VAV3: variants seen among roughly 807,000 people sequenced by gnomAD.
VAV3 encodes the protein guanine nucleotide exchange factor VAV3.
Under a neutral mutation model 131.2 loss-of-function variants are expected in VAV3, and 94 were observed. That is an observed-to-expected ratio of 0.72 (90% CI 0.61 to 0.85). The LOEUF is 0.85. Among genes scored for constraint, VAV3 ranks in the 40% least tolerant of loss-of-function variants. VAV3 has a pLI of 0.00. For missense variants in VAV3, 939 were observed against 1,002.7 expected (o/e 0.94, Z 0.86); for synonymous variants, 349 against 342.0 (o/e 1.02, Z -0.22).
intron 1 of VAV3, among the ~76,000 whole-genome samples, chr1:107,950,154 T>C (rs1352041713): frequency 6.6e-6 from 1 of 152,090 alleles, no homozygotes; most frequent in Non-Finnish European, 1.5e-5. Context: ...TTCTACTGTA[T>C]AGTGTCCAAC....
At chr1:107,954,769 G>GCGGGGGGGGGGGT (rs758398906) in intron 1 of VAV3, among the ~76,000 whole-genome samples, 1 of 149,964 alleles carries the variant, frequency 6.7e-6, no homozygotes, top group African/African-American at 2.5e-5. Context: ...TACCATGGGA[G>GCGGGGGGGGGGGT]GGGGGGAAAT....
chr1:107,961,068 G>A (rs761132774), intron 1 of VAV3, among the ~76,000 whole-genome samples: 7 of 152,044 alleles, frequency 4.6e-5, no homozygotes, highest in Non-Finnish European at 7.4e-5. Context: ...CTAAAACAGC[G>A]CCTGGAACAT....
intron 20 of VAV3, among the ~76,000 whole-genome samples, chr1:107,622,080 TAAC>T (rs1351302133): frequency 1.3e-5 from 2 of 152,278 alleles, no homozygotes; most frequent in East Asian, 3.9e-4. Flanking sequence ...ATTCATAAAA[TAAC>T]AATGCCTTTT....
chr1:107,596,459 G>T, intron 24 of VAV3, 118 bp from the exon 25 acceptor site: 2 of 1,060,572 alleles, frequency 1.9e-6, no homozygotes, highest in South Asian at 3.4e-5. Context: ...TTTTCCATAG[G>T]TATATGGAAG....
chr1:107,710,826 C>A (rs1266348167), intron 15 of VAV3, among the ~76,000 whole-genome samples: 2 of 151,566 alleles, frequency 1.3e-5, no homozygotes, highest in Non-Finnish European at 2.9e-5. Context: ...AATAAAGAAA[C>A]AAAAAAATTG....
intron 2 of VAV3, among the ~76,000 whole-genome samples, chr1:107,833,516 AC>A (rs560962132): frequency 2.4e-3 from 369 of 152,296 alleles, no homozygotes; most frequent in Admixed American, 2.7e-3. Context: ...TCTCTTCTAT[AC>A]TTTTTCACTT....
intron 1 of VAV3, among the ~76,000 whole-genome samples, chr1:107,938,495 A>G (rs1673832644): frequency 6.6e-6 from 1 of 152,204 alleles, no homozygotes; most frequent in Admixed American, 6.5e-5. Context: ...GTCTGTAGAT[A>G]AGAAAGGGGC....
chr1:107,803,772 A>T (rs887863327), intron 2 of VAV3, among the ~76,000 whole-genome samples: 1 of 152,084 alleles, frequency 6.6e-6, no homozygotes, highest in Non-Finnish European at 1.5e-5. Flanking sequence ...TATTTGGTCT[A>T]GTGTAGTAGT....
intron 1 of VAV3, among the ~76,000 whole-genome samples, chr1:107,939,153 T>A (rs985962991): frequency 6.6e-6 from 1 of 150,604 alleles, no homozygotes. Flanking sequence ...ATTTGTCTAG[T>A]TTTTTTTTCT....
chr1:107,762,787 T>C (rs2102140654), intron 9 of VAV3, among the ~76,000 whole-genome samples: 1 of 152,308 alleles, frequency 6.6e-6, no homozygotes, highest in South Asian at 2.1e-4. Flanking sequence ...TTGCTGGAAT[T>C]AGCTACACCT....
At chr1:107,924,817 C>A (rs1673075274) in intron 1 of VAV3, among the ~76,000 whole-genome samples, 1 of 152,022 alleles carries the variant, frequency 6.6e-6, no homozygotes, top group South Asian at 2.1e-4. Context: ...AAACATAGAA[C>A]AACACAACGA....
intron 2 of VAV3, among the ~76,000 whole-genome samples, chr1:107,781,509 T>C (rs183924467): frequency 4.7e-4 from 72 of 152,298 alleles, no homozygotes; most frequent in African/African-American, 1.7e-3. Context: ...CACAGATCAA[T>C]ACATATAATT....
chr1:107,749,390 AT>A, intron 14 of VAV3, 71 bp downstream of exon 14: 1 of 1,456,440 alleles, frequency 6.9e-7, no homozygotes, highest in African/African-American at 1.4e-5. Flanking sequence ...TCTCACATTA[AT>A]GTATTATCAT....
chr1:107,701,258 G>A (rs1411775032), intron 17 of VAV3, among the ~76,000 whole-genome samples: 1 of 151,992 alleles, frequency 6.6e-6, no homozygotes, highest in Non-Finnish European at 1.5e-5. Context: ...GCATCCACAG[G>A]TCCAACACCA....
intron 22 of VAV3, among the ~76,000 whole-genome samples, chr1:107,607,027 T>TGCCTGCAACCTCCACCTCCA (rs1410753188): frequency 2.0e-5 from 3 of 151,236 alleles, no homozygotes; most frequent in Middle Eastern, 3.4e-3. Flanking sequence ...TGATCTCGGC[T>TGCCTGCAACCTCCACCTCCA]GCCTGCAACC....
intron 2 of VAV3, among the ~76,000 whole-genome samples, chr1:107,815,985 G>T (rs1307599081): frequency 1.3e-5 from 2 of 152,156 alleles, no homozygotes; most frequent in Non-Finnish European, 2.9e-5. Flanking sequence ...TCCCTTGTAT[G>T]CGCAGTTGGC....
At chr1:107,843,841 G>T (rs1456011071) in intron 2 of VAV3, among the ~76,000 whole-genome samples, 2 of 152,008 alleles carry the variant, frequency 1.3e-5, no homozygotes, top group Non-Finnish European at 2.9e-5. Context: ...AGAGCGGGGA[G>T]CTTTCCACTG....
At chr1:107,607,489 T>C (rs1438690753) in intron 22 of VAV3, among the ~76,000 whole-genome samples, 1 of 152,152 alleles carries the variant, frequency 6.6e-6, no homozygotes, top group South Asian at 2.1e-4. Flanking sequence ...GTTTTCACTA[T>C]GGCATCTCCC....
chr1:107,585,971 T>C (rs1458470195), intron 25 of VAV3, among the ~76,000 whole-genome samples: 1 of 152,122 alleles, frequency 6.6e-6, no homozygotes. Flanking sequence ...GTGGCTGGTG[T>C]CAGCCTGCTC....
Sources: gnomAD v4.1 joint callset for allele counts (sites outside exome capture counted in the v4.1 genomes callset) on GRCh38, gnomAD v4.1.1 for gene constraint, MANE v1.5 for transcripts, NCBI Gene and HGNC (gene_info 2026-07-23, HGNC 2026-07-21) for gene names.